Variants in ATP12A observed in about 807,000 individuals in gnomAD.
The protein encoded by ATP12A is ATPase H+/K+ transporting non-gastric alpha2 subunit, also known as potassium-transporting ATPase alpha chain 2.
Under a neutral mutation model 111.2 loss-of-function variants are expected in ATP12A, and 81 were observed. The ratio of observed to expected loss-of-function variants is 0.73; its 90% CI spans 0.61 to 0.88. The LOEUF is 0.88. Ranked by LOEUF, ATP12A falls within the 40% of genes least tolerant of loss-of-function variation. The probability of loss-of-function intolerance (pLI) is 0.00; values close to 1 mark genes in which losing one functional copy is unlikely to be tolerated. For synonymous variants in ATP12A, 498 were observed against 499.8 expected (o/e 1.00, Z 0.05); for missense variants, 1,196 against 1,313.1 (o/e 0.91, Z 1.38).
In ATP12A at chr13:24,681,906, G is replaced by A. The variant is rs1874452466; in HGVS notation, c.168+186G>A. 2.8e-5 allele frequency among the ~76,000 whole-genome samples: 4 copies of A among 143,470 alleles called. 1 individual carries two copies. The South Asian group carries it at 9.2e-4, about 33-fold the overall frequency. The allele number at this position is 143,470 out of a possible 152,430, so 94.1% of individuals were successfully genotyped here. On this transcript the variant is annotated intron_variant, in intron 2 of 22. Transcript: ENST00000381946. ...TGTGTGTGTGTGGTGTATGTGTGGT[G>A]TGTGTGTATGTGTGGTGTGTCTGTG...
Position 24,710,844 on chromosome 13 carries a change from C to G in ATP12A, c.2950C>G (p.Leu984Val). The G allele has an allele frequency of 6.2e-7, 1 of 1,614,192 alleles. No homozygotes were observed. Among genetic ancestry groups the G allele is most frequent in the South Asian group, 1.1e-5 (1 of 91,082 alleles). ...ITSQIIIGLI[L>V]SYGLGSVTAL... ...CTCACAGATCATCATTGGTCTGATCCTCTCCTATGGCCTCGGAAGTGTCAC... is the reference window on the plus strand; with the variant it reads ...CTCACAGATCATCATTGGTCTGATCGTCTCCTATGGCCTCGGAAGTGTCAC... The change falls in exon 21 of 23, where the codon CTC becomes GTC. Residue 984 changes from leucine (L) to valine (V), a missense_variant. Coordinates refer to ENST00000381946, the MANE Select transcript of ATP12A (RefSeq NM_001676.7).
Position 24,706,357 on chromosome 13 carries a change from TG to T in ATP12A, c.2064del (p.Met688IlefsTer10), listed in dbSNP as rs1204115142. ...AVVTGMELKD[M>X]SSEQLDEILA... ...GTGACTGGCATGGAGCTGAAGGACATGAGCTCAGAACAGCTGGATGAGATCT... is the reference window on the plus strand; with the variant it reads ...GTGACTGGCATGGAGCTGAAGGACATAGCTCAGAACAGCTGGATGAGATCT... On this transcript the variant is annotated frameshift_variant, in exon 15 of 23. Transcript: ENST00000381946. LOFTEE classifies it high-confidence loss of function. 1 of 1,614,210 alleles carries T rather than the reference TG, an allele frequency of 6.2e-7. No individual in the cohort carries two copies. The highest frequency in any genetic ancestry group is 8.5e-7 in the Non-Finnish European group (1 of 1,180,034).
At chr13:24,681,772 G>A in intron 2 of ATP12A, 52 bp downstream of exon 2, 1 of 1,608,356 alleles carries the variant, frequency 6.2e-7, no homozygotes. Flanking sequence ...TTCCCCGCAA[G>A]AGCTTGCCCC....
chr13:24,689,463 C>T (rs533006965), intron 5 of ATP12A, 88 bp downstream of exon 5: 20 of 1,121,260 alleles, frequency 1.8e-5, no homozygotes, highest in South Asian at 6.6e-5. Flanking sequence ...CTGAGGGCTA[C>T]GGGTTTCCAC....
At chr13:24,709,307 A>T in intron 17 of ATP12A, 57 bp from the exon 18 acceptor site, 1 of 421,294 alleles carries the variant, frequency 2.4e-6, no homozygotes, top group Non-Finnish European at 3.1e-6. Flanking sequence ...CCCCTCCCCT[A>T]CTGTGGGTAG....
Position 24,697,571 on chromosome 13 carries a change from T to G in ATP12A, c.1513-1087T>G, listed in dbSNP as rs529200562. Among the ~76,000 whole-genome samples, 86 of 147,978 alleles carry G rather than the reference T, an allele frequency of 5.8e-4. 2 individuals are homozygous for G. In the South Asian group the frequency reaches 0.018, roughly 31 times the overall value. ...GGGAGGATTGCTTGAGCCTGGGAGGTCGAGGCTGCAGTGAGCTGTGATCGT... is the reference window on the plus strand; with the variant it reads ...GGGAGGATTGCTTGAGCCTGGGAGGGCGAGGCTGCAGTGAGCTGTGATCGT... On this transcript the variant is annotated intron_variant, in intron 11 of 22. Coordinates refer to ENST00000381946, the MANE Select transcript of ATP12A (RefSeq NM_001676.7).
intron 1 of ATP12A, among the ~76,000 whole-genome samples, chr13:24,681,217 G>C (rs888363834): frequency 2.0e-5 from 3 of 151,960 alleles, no homozygotes; most frequent in Non-Finnish European, 2.9e-5. Context: ...AGGTGCCTAA[G>C]GAACCTCGAG....
rs1299451245 is a variant in ATP12A, at chr13:24,681,420, C to A, written c.10-142C>A. ...GTGGGGGAGAGACTCCACTGTCCGA[C>A]TCCCTCCGGCCTCCCCAGAGGAGGG... On this transcript the variant is annotated intron_variant, in intron 1 of 22. Coordinates refer to ENST00000381946, the MANE Select transcript of ATP12A (RefSeq NM_001676.7). 10 of 1,009,604 alleles carry A rather than the reference C, an allele frequency of 9.9e-6. No individual in the cohort carries two copies. In the East Asian group the frequency reaches 1.0e-4, roughly 10 times the overall value. 62.5% of individuals were successfully genotyped at this position (1,009,604 alleles called of 1,614,324 possible).
At chr13:24,700,586 T>TA (rs1875349268) in intron 12 of ATP12A, among the ~76,000 whole-genome samples, 161 bp from the exon 13 acceptor site, 1 of 152,184 alleles carries the variant, frequency 6.6e-6, no homozygotes, top group Non-Finnish European at 1.5e-5. Flanking sequence ...ATGTCTTTCC[T>TA]AAAAAAATGC....
chr13:24,710,789 C>G lies in ATP12A; in HGVS notation c.2898-3C>G, dbSNP rs1417106880. The G allele has an allele frequency of 1.2e-6, 2 of 1,613,892 alleles. No homozygotes were observed. The highest frequency in any genetic ancestry group is 2.7e-5 in the African/African-American group (2 of 74,938). On this transcript the variant is annotated splice_polypyrimidine_tract_variant and splice_region_variant and intron_variant, in intron 20 of 22. Transcript: ENST00000381946. ...AGTCTGTCTGCTTTTGTGTGTCTTG[C>G]AGAAATAAAGTCATCTGGGTGGGGA...
chr13:24,696,085 A>G (rs1875139911), intron 11 of ATP12A, among the ~76,000 whole-genome samples: 3 of 152,158 alleles, frequency 2.0e-5, no homozygotes, highest in Admixed American at 6.5e-5. Context: ...GTCCTAAAAG[A>G]CTGTTTTAGG....
chr13:24,706,564 T>C (rs1875653284), intron 15 of ATP12A, 101 bp downstream of exon 15: 1 of 1,472,058 alleles, frequency 6.8e-7, no homozygotes, highest in African/African-American at 1.4e-5. Context: ...CCTTTGAAAC[T>C]TCAAGAGAGA....
chr13:24,693,389 A>G (rs1874994120), intron 10 of ATP12A, among the ~76,000 whole-genome samples: 1 of 151,588 alleles, frequency 6.6e-6, no homozygotes, highest in Admixed American at 6.6e-5. Context: ...TCAATGAGTC[A>G]CTGAATCCCT....
At position 24,688,528 on chromosome 13, in the gene ATP12A, G is replaced by T. The variant is rs1478898749; in HGVS notation, c.432+6G>T. On this transcript the variant is annotated splice_donor_region_variant and intron_variant, in intron 4 of 22. Transcript: ENST00000381946. ...AGTCTGCATCCCTGAACAACGTAAG[G>T]CTCTGGGGTGTCCCCTCCTGGTTTT... The T allele has an allele frequency of 1.3e-6, 2 of 1,536,208 alleles. No individual in the cohort carries two copies. The highest frequency in any genetic ancestry group is 2.3e-5 in the East Asian group (1 of 42,834).
At position 24,680,489 on chromosome 13, in the gene ATP12A, G is replaced by A. The variant is rs761050546; in HGVS notation, c.-255G>A. The A allele has an allele frequency of 2.5e-4, 111 of 448,698 alleles. No homozygotes were observed. Among genetic ancestry groups the A allele is most frequent in the Non-Finnish European group, 3.9e-4 (99 of 256,622 alleles). 27.8% of individuals were successfully genotyped at this position (448,698 alleles called of 1,614,324 possible). ...CGGCGGGTTTCCTACCCTCCGAGGC[G>A]TCCGCTGGCCTGCGCCCTGGCGGGG... is the stretch of plus-strand genomic sequence containing the variant. On this transcript the variant is annotated 5_prime_UTR_variant, in exon 1 of 23. Transcript: ENST00000381946.
At chr13:24,688,282 G>A in intron 3 of ATP12A, 37 bp from the exon 4 acceptor site, 1 of 1,575,946 alleles carries the variant, frequency 6.3e-7, no homozygotes, top group Non-Finnish European at 8.6e-7. Context: ...ATTCGTATTT[G>A]TTTTGGTTGT....
intron 3 of ATP12A, among the ~76,000 whole-genome samples, chr13:24,686,541 C>A (rs931597766): frequency 6.6e-6 from 1 of 152,036 alleles, no homozygotes; most frequent in African/African-American, 2.4e-5. Context: ...GAGATCGAGA[C>A]CATCCTGGCT....
In ATP12A at chr13:24,692,895, A is replaced by G. The variant is rs761287267; in HGVS notation, c.1376A>G (p.Lys459Arg). Residue 459 changes from lysine (K) to arginine (R), a missense_variant and splice_region_variant, in exon 10 of 23, where the codon AAG becomes AGG. By Grantham distance (26) the Lys-to-Arg change is conservative (BLOSUM62 2). Transcript: ENST00000381946. The stretch of plus-strand genomic sequence containing the variant: ...GGACAGGAAAATGTCCCCATCATGA[A>G]GGTAATGCTTCTGCAGCACTTGGTC... ...KPGQENVPIM[K>R]KAVIGDASET... The G allele has an allele frequency of 6.2e-7, 1 of 1,612,740 alleles. No individual in the cohort carries two copies. Among genetic ancestry groups the G allele is most frequent in the Non-Finnish European group, 8.5e-7 (1 of 1,178,838 alleles).
At chr13:24,695,743 G>C (rs541175128) in intron 11 of ATP12A, among the ~76,000 whole-genome samples, 1 of 151,902 alleles carries the variant, frequency 6.6e-6, no homozygotes, top group East Asian at 1.9e-4. Flanking sequence ...GAGTAGCTGG[G>C]ACTACAGGAA....
Sources: allele counts gnomAD v4.1 joint callset (sites outside exome capture counted in the v4.1 genomes callset), GRCh38; gene constraint gnomAD v4.1.1; transcripts MANE v1.5; gene names NCBI Gene and HGNC (gene_info 2026-07-23, HGNC 2026-07-21).